Variants in ZBTB20 observed in about 807,000 individuals in gnomAD.
ZBTB20 encodes zinc finger and BTB domain-containing protein 20.
In ZBTB20, 9 loss-of-function variants were observed where a neutral mutation model predicts 56.9. That is an observed-to-expected ratio of 0.16 (90% confidence interval 0.10 to 0.28). The LOEUF (loss-of-function observed/expected upper bound fraction) is 0.28, where lower values mean the gene tolerates loss of function less well. Ranked by LOEUF, ZBTB20 falls within the 10% of genes least tolerant of loss-of-function variation. ZBTB20 has a pLI of 1.00. For synonymous variants in ZBTB20, 417 were observed against 420.7 expected, an observed-to-expected ratio of 0.99 and a Z score of 0.11; for missense variants, 655 against 1,003.0, an observed-to-expected ratio of 0.65 and a Z score of 4.69.
At chr3:114,457,555 G>A (rs757822092) in intron 7 of ZBTB20, among the ~76,000 whole-genome samples, 2 of 152,082 alleles carry the variant, frequency 1.3e-5, no homozygotes, top group Non-Finnish European at 2.9e-5. Context: ...AGGATGTTAG[G>A]TCATCTGGGG....
At chr3:114,487,622 C>T (rs897194010) in intron 7 of ZBTB20, among the ~76,000 whole-genome samples, 8 of 152,276 alleles carry the variant, frequency 5.3e-5, no homozygotes, top group Admixed American at 6.5e-5. Flanking sequence ...TCCTGACCCT[C>T]GGGAAGACTC....
At chr3:114,729,049 T>G (rs1344019181) in intron 5 of ZBTB20, among the ~76,000 whole-genome samples, 2 of 152,132 alleles carry the variant, frequency 1.3e-5, no homozygotes, top group East Asian at 3.9e-4. Context: ...CTGCACATCC[T>G]GCACATGTGC....
intron 5 of ZBTB20, among the ~76,000 whole-genome samples, chr3:114,745,586 C>A (rs1037481012): frequency 2.6e-5 from 4 of 152,096 alleles, no homozygotes; most frequent in African/African-American, 4.8e-5. Context: ...TTTGTAGAAC[C>A]TTTTCTGTTC....
chr3:114,695,146 A>G (rs963649772), intron 5 of ZBTB20, among the ~76,000 whole-genome samples: 2 of 152,058 alleles, frequency 1.3e-5, no homozygotes, highest in African/African-American at 4.8e-5. Flanking sequence ...AAAAGAAAAA[A>G]TCTATCCCTA....
At chr3:114,991,639 G>A (rs1308819613) in intron 2 of ZBTB20, among the ~76,000 whole-genome samples, 3 of 152,116 alleles carry the variant, frequency 2.0e-5, no homozygotes, top group Non-Finnish European at 4.4e-5. Flanking sequence ...GCAGAGCTGA[G>A]TTCAAATCCT....
intron 4 of ZBTB20, among the ~76,000 whole-genome samples, chr3:114,896,290 T>C (rs897495415): frequency 5.9e-5 from 9 of 152,150 alleles, no homozygotes; most frequent in African/African-American, 1.7e-4. Context: ...AGAGAGATAG[T>C]TGTACACCTA....
At chr3:114,461,341 C>T (rs984663511) in intron 7 of ZBTB20, among the ~76,000 whole-genome samples, 1 of 150,194 alleles carries the variant, frequency 6.7e-6, no homozygotes, top group African/African-American at 2.4e-5. Flanking sequence ...GCTCTGTCAC[C>T]GAGGCTGGAG....
chr3:114,395,919 T>A lies in ZBTB20; in HGVS notation c.-254-6814A>T, dbSNP rs553042435. Among the ~76,000 whole-genome samples the A allele has an allele frequency of 9.2e-5, 14 of 152,230 alleles. No individual in the cohort carries two copies. In the East Asian group the frequency reaches 2.5e-3, roughly 27 times the overall value. On this transcript the variant is annotated intron_variant, in intron 7 of 11. Transcript: ENST00000675478. ...AAACTCTGTTAATATAAGTTGCACA[T>A]CCCATGCCATGAGCGTTAGCATTAT...
intron 10 of ZBTB20, among the ~76,000 whole-genome samples, chr3:114,368,302 G>A (rs1277314290): frequency 6.6e-6 from 1 of 152,164 alleles, no homozygotes; most frequent in Non-Finnish European, 1.5e-5. Flanking sequence ...ATGGGGGTGA[G>A]AAAATATTTT....
At chr3:115,136,174 T>C (rs6793973) in intron 1 of ZBTB20, among the ~76,000 whole-genome samples, 50,494 of 151,930 alleles carry the variant, frequency 0.33, 10,814 homozygotes, top group East Asian at 0.66. Flanking sequence ...ATTGGAATTT[T>C]TGCCATGATA....
intron 4 of ZBTB20, among the ~76,000 whole-genome samples, chr3:114,859,061 C>T (rs894767107): frequency 4.6e-5 from 7 of 151,954 alleles, no homozygotes; most frequent in African/African-American, 1.7e-4. Context: ...AGTCAACTTT[C>T]AAGGTTGTAT....
chr3:114,937,549 G>A (rs537727509), intron 3 of ZBTB20, among the ~76,000 whole-genome samples: 10 of 151,816 alleles, frequency 6.6e-5, no homozygotes, highest in African/African-American at 9.7e-5. Context: ...AGCTTCCCAA[G>A]TAGCTGGGAC....
At chr3:115,032,430 T>C (rs1400383533) in intron 2 of ZBTB20, among the ~76,000 whole-genome samples, 1 of 151,258 alleles carries the variant, frequency 6.6e-6, no homozygotes, top group East Asian at 1.9e-4. Flanking sequence ...CAAGAACAAA[T>C]TGAATAAAAT....
intron 4 of ZBTB20, among the ~76,000 whole-genome samples, chr3:114,881,804 G>T (rs1161842805): frequency 6.6e-6 from 1 of 151,652 alleles, no homozygotes; most frequent in Non-Finnish European, 1.5e-5. Context: ...AAAAATTGGT[G>T]CTTTTATTTC....
chr3:114,986,443 G>T (rs1015802417), intron 2 of ZBTB20, among the ~76,000 whole-genome samples: 2 of 152,028 alleles, frequency 1.3e-5, no homozygotes, highest in African/African-American at 2.4e-5. Flanking sequence ...TATTAATTTT[G>T]TCAGGCAAGA....
intron 4 of ZBTB20, among the ~76,000 whole-genome samples, chr3:114,857,217 T>C (rs1428413888): frequency 6.6e-6 from 1 of 152,176 alleles, no homozygotes; most frequent in Admixed American, 6.6e-5. Context: ...GTGAGATAAA[T>C]GGTAAATATT....
intron 6 of ZBTB20, among the ~76,000 whole-genome samples, chr3:114,648,406 T>C (rs1222037939): frequency 6.6e-6 from 1 of 151,936 alleles, no homozygotes; most frequent in Non-Finnish European, 1.5e-5. Flanking sequence ...CGAGAAGACA[T>C]AATAATCTTT....
rs1447324849 is a variant in ZBTB20, at chr3:114,974,353, C to G, written c.-456+13G>C. 6.6e-6 allele frequency: 1 copy of G among 151,834 alleles called. No individual in the cohort carries two copies. Among genetic ancestry groups the G allele is most frequent in the Admixed American group, 6.6e-5 (1 of 15,236 alleles). 9.4% of individuals were successfully genotyped at this position (151,834 alleles called of 1,614,324 possible). A position where few individuals can be genotyped will look rare whatever the true frequency, so the allele number is the denominator to read the frequency against. On this transcript the variant is annotated intron_variant, in intron 3 of 11. Transcript: ENST00000675478. ...AGATAAAGCCCATTCAGGAAAATAC[C>G]ACTGGACATTACCTTCAGCCTTCAG...
intron 5 of ZBTB20, among the ~76,000 whole-genome samples, chr3:114,741,357 T>C (rs2066557143): frequency 6.6e-6 from 1 of 152,196 alleles, no homozygotes; most frequent in Non-Finnish European, 1.5e-5. Flanking sequence ...TGTACTTTTA[T>C]TGGACAGTCA....
Sources: gnomAD v4.1 joint callset for allele counts (sites outside exome capture counted in the v4.1 genomes callset) on GRCh38, gnomAD v4.1.1 for gene constraint, MANE v1.5 for transcripts, NCBI Gene and HGNC (gene_info 2026-07-23, HGNC 2026-07-21) for gene names.